The following MARCHF1 variants were observed in gnomAD, a reference collection of about 807,000 sequenced individuals.
MARCHF1 encodes the protein membrane associated ring-CH-type finger 1, also known as E3 ubiquitin-protein ligase MARCHF1.
Under a neutral mutation model 54.2 loss-of-function variants are expected in MARCHF1, and 40 were observed. That is an observed-to-expected ratio of 0.74 (90% CI 0.57 to 0.96). The LOEUF (loss-of-function observed/expected upper bound fraction) is 0.96. Among genes scored for constraint, MARCHF1 ranks in the 40% least tolerant of loss-of-function variants. The pLI is 0.00. For missense variants in MARCHF1, 586 were observed against 656.5 expected (o/e 0.89, Z 1.17); for synonymous variants, 236 against 236.3 (o/e 1.00, Z 0.01).
intron 1 of MARCHF1, among the ~76,000 whole-genome samples, chr4:164,348,069 G>T: frequency 6.6e-6 from 1 of 152,124 alleles, no homozygotes; most frequent in East Asian, 1.9e-4. Context: ...TTGAACACTT[G>T]CCTGTGGGAG....
chr4:164,138,322 T>C (rs1413301134), intron 1 of MARCHF1, among the ~76,000 whole-genome samples: 1 of 152,070 alleles, frequency 6.6e-6, no homozygotes, highest in Admixed American at 6.6e-5. Context: ...TGTGGACTAC[T>C]TAAGTTTGGC....
chr4:163,527,622 A>G lies in MARCHF1; in HGVS notation c.*1126T>C, dbSNP rs918391767. Reference sequence around the variant, plus strand: ...ACTTAATTTAATGCTTTTAAAAATCATAACTAACTTTTGTGACTTTGAAAT... The same window carrying G: ...ACTTAATTTAATGCTTTTAAAAATCGTAACTAACTTTTGTGACTTTGAAAT... On this transcript the variant is annotated 3_prime_UTR_variant, in exon 10 of 10. Transcript: ENST00000514618. 1.7e-5 allele frequency: 2 copies of G among 116,162 alleles called. No homozygotes were observed. Among genetic ancestry groups the G allele is most frequent in the African/African-American group, 6.0e-5 (2 of 33,246 alleles). The allele number at this position is 116,162 out of a possible 1,614,324, so 7.2% of individuals were successfully genotyped here. A position where few individuals can be genotyped will look rare whatever the true frequency, so the allele number is the denominator to read the frequency against.
chr4:163,808,755 G>C (rs1363484094), intron 4 of MARCHF1, among the ~76,000 whole-genome samples: 3 of 151,968 alleles, frequency 2.0e-5, no homozygotes, highest in African/African-American at 7.2e-5. Context: ...TTTTAGTAGA[G>C]GCAGGGTTTC....
intron 3 of MARCHF1, among the ~76,000 whole-genome samples, chr4:163,869,947 G>A (rs906309649): frequency 6.6e-6 from 1 of 152,000 alleles, no homozygotes; most frequent in African/African-American, 2.4e-5. Flanking sequence ...ATTGAAGATT[G>A]GCATCTTTCA....
intron 1 of MARCHF1, among the ~76,000 whole-genome samples, chr4:164,318,999 C>A (rs1735070176): frequency 6.6e-6 from 1 of 151,730 alleles, no homozygotes; most frequent in Non-Finnish European, 1.5e-5. Context: ...AGTTAAAGAA[C>A]CTCTTCAGGT....
intron 3 of MARCHF1, among the ~76,000 whole-genome samples, chr4:163,905,645 G>T (rs1278769299): frequency 6.6e-6 from 1 of 152,098 alleles, no homozygotes; most frequent in Non-Finnish European, 1.5e-5. Context: ...GGTCCTTTGA[G>T]ATGCTATAAT....
chr4:163,816,342 T>C (rs1579309558), intron 4 of MARCHF1, among the ~76,000 whole-genome samples: 1 of 151,468 alleles, frequency 6.6e-6, no homozygotes, highest in Admixed American at 6.6e-5. Context: ...CAAAAAAGCA[T>C]TTAGAACATA....
intron 4 of MARCHF1, among the ~76,000 whole-genome samples, chr4:163,755,890 A>C (rs1161905054): frequency 6.6e-6 from 1 of 152,210 alleles, no homozygotes; most frequent in Non-Finnish European, 1.5e-5. Context: ...AAGCGATATT[A>C]CCAATGTTGA....
intron 8 of MARCHF1, among the ~76,000 whole-genome samples, chr4:163,549,330 C>G (rs1467295264): frequency 1.3e-5 from 2 of 152,062 alleles, no homozygotes; most frequent in Non-Finnish European, 2.9e-5. Flanking sequence ...ATTTTATCCT[C>G]AAGTCTCTCG....
chr4:164,120,005 C>G (rs1756031343), intron 1 of MARCHF1, among the ~76,000 whole-genome samples: 2 of 148,068 alleles, frequency 1.4e-5, no homozygotes, highest in Non-Finnish European at 2.9e-5. Flanking sequence ...GAATATATAA[C>G]AGATAACTAA....
intron 2 of MARCHF1, among the ~76,000 whole-genome samples, chr4:164,034,975 T>A (rs1166313904): frequency 6.6e-6 from 1 of 152,144 alleles, no homozygotes; most frequent in Non-Finnish European, 1.5e-5. Flanking sequence ...AAAATCCGTG[T>A]TATAAATTGA....
chr4:164,143,597 A>C (rs1729561226), intron 1 of MARCHF1, among the ~76,000 whole-genome samples: 1 of 152,060 alleles, frequency 6.6e-6, no homozygotes. Context: ...AGGAGAAATA[A>C]AATCCTTTAC....
chr4:163,909,119 A>G (rs1313616547), intron 3 of MARCHF1, among the ~76,000 whole-genome samples: 1 of 152,200 alleles, frequency 6.6e-6, no homozygotes, highest in East Asian at 1.9e-4. Flanking sequence ...TTAATGTGTT[A>G]ATTGATACAC....
At chr4:163,971,929 CAA>C (rs950481837) in intron 3 of MARCHF1, among the ~76,000 whole-genome samples, 9 of 152,174 alleles carry the variant, frequency 5.9e-5, no homozygotes, top group African/African-American at 2.2e-4. Flanking sequence ...TTCACAATAG[CAA>C]AGACTTGGAA....
chr4:164,319,216 A>AT (rs1274948893), intron 1 of MARCHF1, among the ~76,000 whole-genome samples: 1 of 152,208 alleles, frequency 6.6e-6, no homozygotes. Context: ...TTTACATAGC[A>AT]TTTAACTTAT....
intron 3 of MARCHF1, among the ~76,000 whole-genome samples, chr4:163,941,918 A>T (rs1751920369): frequency 6.6e-6 from 1 of 152,150 alleles, no homozygotes. Context: ...TAAATAAAAT[A>T]ATCCTACTTC....
At chr4:163,846,642 A>C (rs1749492592) in intron 4 of MARCHF1, among the ~76,000 whole-genome samples, 1 of 152,154 alleles carries the variant, frequency 6.6e-6, no homozygotes. Flanking sequence ...TAACAGAAGT[A>C]ATTTTGTAAT....
At chr4:164,160,558 C>T (rs909056542) in intron 1 of MARCHF1, among the ~76,000 whole-genome samples, 5 of 152,092 alleles carry the variant, frequency 3.3e-5, no homozygotes, top group African/African-American at 4.8e-5. Context: ...TGAATACCGA[C>T]GTTATAAAAT....
At chr4:163,914,238 A>T (rs1751258141) in intron 3 of MARCHF1, among the ~76,000 whole-genome samples, 1 of 152,178 alleles carries the variant, frequency 6.6e-6, no homozygotes, top group Admixed American at 6.6e-5. Context: ...AATAAAATAA[A>T]AATAGAGGTT....
Sources: allele counts gnomAD v4.1 joint callset (sites outside exome capture counted in the v4.1 genomes callset), GRCh38; gene constraint gnomAD v4.1.1; transcripts MANE v1.5; gene names NCBI Gene and HGNC (gene_info 2026-07-23, HGNC 2026-07-21).